Variants in ADARB2 observed in about 807,000 individuals in gnomAD.
ADARB2 encodes the protein adenosine deaminase RNA specific B2 (inactive), also known as inactive double-stranded RNA-specific editase B2.
Under a neutral mutation model 62.2 loss-of-function variants are expected in ADARB2, and 25 were observed. The ratio of observed to expected loss-of-function variants is 0.40; its 90% CI spans 0.29 to 0.56. ADARB2 has a LOEUF of 0.56. ADARB2 is among the 20% of genes least tolerant of loss of function. The probability of loss-of-function intolerance (pLI) is 0.43; values close to 1 mark genes in which losing one functional copy is unlikely to be tolerated. For missense variants in ADARB2, 1,071 were observed against 1,077.4 expected, an observed-to-expected ratio of 0.99 and a Z score of 0.08; for synonymous variants, 572 against 500.8, an observed-to-expected ratio of 1.14 and a Z score of -1.90.
intron 3 of ADARB2, among the ~76,000 whole-genome samples, chr10:1,339,874 G>A (rs1832006916): frequency 6.6e-6 from 1 of 152,128 alleles, no homozygotes; most frequent in Non-Finnish European, 1.5e-5. Flanking sequence ...TTTGATAGAA[G>A]TTTTGACGGT....
intron 3 of ADARB2, among the ~76,000 whole-genome samples, chr10:1,281,629 CAG>C (rs1425115970): frequency 3.3e-5 from 5 of 152,254 alleles, no homozygotes; most frequent in Admixed American, 1.3e-4. Flanking sequence ...GAGGGGTGCA[CAG>C]AGACTGTCAC....
At chr10:1,191,229 G>A (rs1462099743) in intron 8 of ADARB2, among the ~76,000 whole-genome samples, 1 of 152,242 alleles carries the variant, frequency 6.6e-6, no homozygotes, top group Non-Finnish European at 1.5e-5. Context: ...TGTGTGATGA[G>A]GACCAGCGGG....
intron 3 of ADARB2, among the ~76,000 whole-genome samples, chr10:1,321,857 C>T (rs558009978): frequency 6.6e-6 from 1 of 151,920 alleles, no homozygotes; most frequent in Admixed American, 6.6e-5. Context: ...ATCATTCCTG[C>T]CTGTGGGCAT....
chr10:1,201,746 A>C (rs1836988978), intron 7 of ADARB2, among the ~76,000 whole-genome samples: 1 of 142,560 alleles, frequency 7.0e-6, no homozygotes, highest in Non-Finnish European at 1.5e-5. Context: ...GTCTGCCTGG[A>C]TCTCGGATGG....
At chr10:1,634,965 C>A (rs559499042) in intron 1 of ADARB2, among the ~76,000 whole-genome samples, 1 of 152,204 alleles carries the variant, frequency 6.6e-6, no homozygotes, top group Non-Finnish European at 1.5e-5. Flanking sequence ...GCAAACCAAT[C>A]TGTATTTGTA....
intron 1 of ADARB2, among the ~76,000 whole-genome samples, chr10:1,681,167 G>A (rs972588368): frequency 2.6e-4 from 39 of 152,144 alleles, no homozygotes; most frequent in African/African-American, 7.5e-4. Flanking sequence ...AGCTACCTCC[G>A]CCTGCAGACA....
At chr10:1,222,928 A>G (rs1830707912) in intron 6 of ADARB2, among the ~76,000 whole-genome samples, 2 of 152,004 alleles carry the variant, frequency 1.3e-5, no homozygotes, top group Non-Finnish European at 2.9e-5. Flanking sequence ...TGAACTTTAA[A>G]GTAGTTTTTT....
chr10:1,460,593 G>A (rs71491387), intron 1 of ADARB2, among the ~76,000 whole-genome samples: 35 of 41,690 alleles, frequency 8.4e-4, no homozygotes, highest in South Asian at 6.8e-4. Context: ...CCTGCGTTAC[G>A]AACCTGCCTG....
intron 1 of ADARB2, among the ~76,000 whole-genome samples, chr10:1,734,164 C>T (rs1835270481): frequency 6.6e-6 from 1 of 152,000 alleles, no homozygotes; most frequent in Admixed American, 6.6e-5. Flanking sequence ...AACACTAGGT[C>T]CCAGTAAAAT....
chr10:1,595,378 C>T (rs1489345339), intron 1 of ADARB2, among the ~76,000 whole-genome samples: 1 of 152,186 alleles, frequency 6.6e-6, no homozygotes, highest in Non-Finnish European at 1.5e-5. Context: ...GCAGTGGCAT[C>T]AGACAGTATG....
At chr10:1,253,353 G>T (rs1831052325) in intron 4 of ADARB2, among the ~76,000 whole-genome samples, 1 of 152,182 alleles carries the variant, frequency 6.6e-6, no homozygotes, top group South Asian at 2.1e-4. Flanking sequence ...TTCTTGCAAT[G>T]AGAACAAGAG....
Position 1,592,378 on chromosome 10 carries a change from GCTCCCTTCGCCCAAGCCACCCTCC to G in ADARB2, c.100+144649_100+144672del, listed in dbSNP as rs1833270117. On this transcript the variant is annotated intron_variant, in intron 1 of 9. Transcript: ENST00000381312. ...CTGGCATGGTCCCCTCTGTCACCCA[GCTCCCTTCGCCCAAGCCACCCTCC>G]ATAGGTCTCCTCTCTGGCATGGTCC... is the stretch of plus-strand genomic sequence containing the variant. Among the ~76,000 whole-genome samples the G allele has an allele frequency of 1.0e-4, 10 of 95,362 alleles. 3 individuals are homozygous for G. The East Asian group carries it at 3.5e-3, about 34-fold the overall frequency. 62.6% of individuals were successfully genotyped at this position (95,362 alleles called of 152,430 possible).
At chr10:1,696,727 G>A (rs992194247) in intron 1 of ADARB2, among the ~76,000 whole-genome samples, 7 of 152,140 alleles carry the variant, frequency 4.6e-5, no homozygotes, top group Non-Finnish European at 1.0e-4. Context: ...CTCCTGTAGG[G>A]CATTCTGCTC....
Position 1,200,057 on chromosome 10 carries a change from G to C in ADARB2, c.1773C>G (p.His591Gln). The C allele has an allele frequency of 6.3e-7, 1 of 1,592,748 alleles. No homozygotes were observed. The highest frequency in any genetic ancestry group is 8.5e-7 in the Non-Finnish European group (1 of 1,173,098). The change falls in exon 8 of 10, where the codon CAC (histidine) becomes CAG (glutamine). Residue 591 changes from histidine (H) to glutamine (Q), a missense_variant. By Grantham distance (24) the His-to-Gln change is conservative. Coordinates refer to ENST00000381312, the MANE Select transcript of ADARB2 (RefSeq NM_018702.4). ...TCATGACGCGTGCGAGGTGGCCCGT[G>C]TGGTGCAGGCTGCCCACCACGATGC... ...LQSIVVGSLH[H>Q]TGHLARVMSH...
rs147818933 is a variant in ADARB2 at position 1,589,414 on chromosome 10, CGGTCAGGGCATCCAT to C, written c.100+147622_100+147636del. On this transcript the variant is annotated intron_variant, in intron 1 of 9. Transcript: ENST00000381312. ...CAAGGCATCCACGGAGGGGCGTCTGCGGTCAGGGCATCCATGGTCGGGGTGTCCATGGTCGGGGTG... is the reference window on the plus strand; with the variant it reads ...CAAGGCATCCACGGAGGGGCGTCTGCGGTCGGGGTGTCCATGGTCGGGGTG... Among the ~76,000 whole-genome samples the C allele has an allele frequency of 1.8e-3, 273 of 151,548 alleles. 5 individuals are homozygous for C. In the East Asian group the frequency reaches 0.051, roughly 28 times the overall value.
intron 1 of ADARB2, among the ~76,000 whole-genome samples, chr10:1,433,616 T>C (rs7923036): frequency 0.2 from 30,151 of 151,950 alleles, 3,424 homozygotes; most frequent in East Asian, 0.44. Context: ...AGGGATTCGA[T>C]CCACTTTGTC....
intron 1 of ADARB2, among the ~76,000 whole-genome samples, chr10:1,684,656 T>C (rs1307491177): frequency 6.6e-6 from 1 of 152,216 alleles, no homozygotes; most frequent in Non-Finnish European, 1.5e-5. Context: ...GAGCCCTTCA[T>C]TTTGATTATT....
chr10:1,712,564 C>T (rs533436111), intron 1 of ADARB2, among the ~76,000 whole-genome samples: 1 of 152,162 alleles, frequency 6.6e-6, no homozygotes, highest in East Asian at 1.9e-4. Context: ...GGGAAAGCCC[C>T]CCTTATCCTA....
intron 1 of ADARB2, among the ~76,000 whole-genome samples, chr10:1,619,917 A>G (rs58253431): frequency 0.19 from 28,940 of 152,162 alleles, 2,896 homozygotes; most frequent in East Asian, 0.34. Context: ...ATCTGCAAAT[A>G]TTTAGAAATT....
Sources: gnomAD v4.1 joint callset for allele counts (sites outside exome capture counted in the v4.1 genomes callset) on GRCh38, gnomAD v4.1.1 for gene constraint, MANE v1.5 for transcripts, NCBI Gene and HGNC (gene_info 2026-07-23, HGNC 2026-07-21) for gene names.